Variants in FOXN2 observed in about 807,000 individuals in gnomAD.
FOXN2 encodes forkhead box N2.
FOXN2 carries 19 observed loss-of-function variants against 41.2 expected under a neutral mutation model. That is an observed-to-expected ratio of 0.46 (90% CI 0.32 to 0.68). The LOEUF (loss-of-function observed/expected upper bound fraction) is 0.68. Ranked by LOEUF, FOXN2 falls within the 30% of genes least tolerant of loss-of-function variation. The pLI is 0.03. For missense variants in FOXN2, 587 were observed against 509.4 expected (o/e 1.15, Z -1.47); for synonymous variants, 195 against 176.8 (o/e 1.10, Z -0.82).
intron 5 of FOXN2, among the ~76,000 whole-genome samples, chr2:48,368,143 A>C (rs1389030454): frequency 2.0e-5 from 3 of 152,112 alleles, no homozygotes; most frequent in African/African-American, 4.8e-5. Flanking sequence ...CGCTTAGCCA[A>C]ATTCATGGTG....
chr2:48,371,741 CTGTT>C (rs1558642269), intron 5 of FOXN2, among the ~76,000 whole-genome samples: 1 of 151,976 alleles, frequency 6.6e-6, no homozygotes, highest in Non-Finnish European at 1.5e-5. Flanking sequence ...TATGGGATGT[CTGTT>C]TGTATTGTCT....
intron 1 of FOXN2, among the ~76,000 whole-genome samples, chr2:48,327,483 T>C (rs1045592485): frequency 6.6e-6 from 1 of 152,146 alleles, no homozygotes; most frequent in African/African-American, 2.4e-5. Flanking sequence ...TTCACTCTTA[T>C]TGCCCAGGCT....
At chr2:48,318,017 G>A (rs1444524559) in intron 1 of FOXN2, among the ~76,000 whole-genome samples, 1 of 151,866 alleles carries the variant, frequency 6.6e-6, no homozygotes, top group Non-Finnish European at 1.5e-5. Context: ...TGCTTCTAAG[G>A]GATTTTGATC....
chr2:48,372,222 A>C (rs1046897563), intron 5 of FOXN2, among the ~76,000 whole-genome samples: 1 of 152,212 alleles, frequency 6.6e-6, no homozygotes, highest in African/African-American at 2.4e-5. Flanking sequence ...GCTGTTTCAT[A>C]GTGGCCAGCA....
chr2:48,355,364 A>G (rs773422716), intron 3 of FOXN2, among the ~76,000 whole-genome samples: 5 of 152,226 alleles, frequency 3.3e-5, no homozygotes, highest in Admixed American at 6.5e-5. Flanking sequence ...TCATCTTACA[A>G]TTTTAAAAAA....
intron 1 of FOXN2, among the ~76,000 whole-genome samples, chr2:48,316,194 C>G (rs1668907297): frequency 1.3e-5 from 2 of 152,110 alleles, no homozygotes; most frequent in Admixed American, 6.5e-5. Context: ...TAAGACTTAC[C>G]TCTGTTACCT....
In FOXN2 at chr2:48,347,533, T is replaced by TTGTGTGTGTGTG. The variant is rs113177559; in HGVS notation, c.537+798_537+809dup. 1.1e-4 allele frequency among the ~76,000 whole-genome samples: 16 copies of TTGTGTGTGTGTG among 148,128 alleles called. No individual in the cohort carries two copies. The South Asian group carries it at 1.3e-3, about 12-fold the overall frequency. On this transcript the variant is annotated intron_variant, in intron 3 of 6. Coordinates refer to ENST00000340553, the MANE Select transcript of FOXN2 (RefSeq NM_002158.4). ...TGAGCCACTGTGCCCAGCCGAGGTG[T>TTGTGTGTGTGTG]TGTGTGTGTGTGTGTGTGTGTGTGT...
intron 4 of FOXN2, among the ~76,000 whole-genome samples, chr2:48,361,265 G>C (rs1032470343): frequency 2.0e-5 from 3 of 151,966 alleles, no homozygotes; most frequent in Non-Finnish European, 4.4e-5. Flanking sequence ...TCGGGAGTTT[G>C]AGACTAGCCT....
At chr2:48,364,841 C>T (rs940438556) in intron 5 of FOXN2, among the ~76,000 whole-genome samples, 5 of 152,238 alleles carry the variant, frequency 3.3e-5, no homozygotes, top group East Asian at 1.9e-4. Context: ...CTGGGTTTTG[C>T]CTCTTAGCAT....
rs1672257772 is a variant in FOXN2, at chr2:48,362,556, G to C, written c.639-87G>C. The C allele has an allele frequency of 2.6e-5, 30 of 1,152,364 alleles. No individual in the cohort carries two copies. In the South Asian group the frequency reaches 3.7e-4, roughly 14 times the overall value. The allele number at this position is 1,152,364 out of a possible 1,614,324, so 71.4% of individuals were successfully genotyped here. On this transcript the variant is annotated intron_variant, in intron 4 of 6. Coordinates refer to ENST00000340553, the MANE Select transcript of FOXN2 (RefSeq NM_002158.4). ...TGCACTCCAGCCTGGGCGGCCAGCA[G>C]AGTGAGAGAGAACCTGTCAAAAATT...
In FOXN2 at chr2:48,378,055, C is replaced by T. The variant is rs1182283711; in HGVS notation, c.*2612C>T. 6.6e-6 allele frequency: 1 copy of T among 152,306 alleles called. No homozygotes were observed. Among genetic ancestry groups the T allele is most frequent in the Non-Finnish European group, 1.5e-5 (1 of 67,896 alleles). 9.4% of individuals were successfully genotyped at this position (152,306 alleles called of 1,614,324 possible). ...ATAAGCTAACATATAATTTGCCTTA[C>T]GTCAAAAGAATATGTTTTGTTGCAG... On this transcript the variant is annotated 3_prime_UTR_variant, in exon 7 of 7. Transcript: ENST00000340553.
chr2:48,318,521 G>A (rs970171714), intron 1 of FOXN2, among the ~76,000 whole-genome samples: 4 of 152,152 alleles, frequency 2.6e-5, no homozygotes, highest in Non-Finnish European at 5.9e-5. Context: ...TGATCAGGTG[G>A]TTGAGGTCTT....
intron 3 of FOXN2, among the ~76,000 whole-genome samples, chr2:48,351,627 C>G (rs1476477145): frequency 6.6e-6 from 1 of 152,104 alleles, no homozygotes; most frequent in Non-Finnish European, 1.5e-5. Context: ...AGCGCACAGC[C>G]TAGATCCCCT....
At chr2:48,314,204 C>T (rs773840705), upstream of FOXN2, among the ~76,000 whole-genome samples, 1 of 152,256 alleles carries the variant, frequency 6.6e-6, no homozygotes, top group African/African-American at 2.4e-5. Flanking sequence ...TCTCCTCAGC[C>T]CGGGCACAGG....
intron 3 of FOXN2, among the ~76,000 whole-genome samples, chr2:48,350,554 G>C (rs2104401295): frequency 6.6e-6 from 1 of 152,298 alleles, no homozygotes; most frequent in East Asian, 1.9e-4. Context: ...AAGAGTCCAG[G>C]ATATAGGCAG....
At chr2:48,336,479 G>T (rs931432229) in intron 2 of FOXN2, among the ~76,000 whole-genome samples, 3 of 150,398 alleles carry the variant, frequency 2.0e-5, no homozygotes, top group African/African-American at 4.9e-5. Flanking sequence ...ATTTATTTAC[G>T]AGCAGACTAA....
intron 4 of FOXN2, 58 bp from the exon 5 acceptor site, chr2:48,362,585 G>A (rs767236292): frequency 2.4e-5 from 36 of 1,486,760 alleles, no homozygotes; most frequent in Non-Finnish European, 2.7e-5. Context: ...AAAAATTAGG[G>A]GGAAAAAGTG....
intron 3 of FOXN2, among the ~76,000 whole-genome samples, chr2:48,355,813 C>T (rs902360392): frequency 3.0e-4 from 45 of 152,250 alleles, no homozygotes; most frequent in Admixed American, 1.3e-4. Flanking sequence ...AGATGTTTTT[C>T]TCCCTATCAT....
intron 1 of FOXN2, among the ~76,000 whole-genome samples, chr2:48,324,053 T>C (rs1669506664): frequency 6.6e-6 from 1 of 152,170 alleles, no homozygotes; most frequent in African/African-American, 2.4e-5. Flanking sequence ...AAAAATTTTC[T>C]TTTGCTATAC....
Sources: gnomAD v4.1 joint callset for allele counts (sites outside exome capture counted in the v4.1 genomes callset) on GRCh38, gnomAD v4.1.1 for gene constraint, MANE v1.5 for transcripts, NCBI Gene and HGNC (gene_info 2026-07-23, HGNC 2026-07-21) for gene names.